SIN3A: variants seen among roughly 807,000 people sequenced by gnomAD.
SIN3A encodes the protein SIN3 transcription regulator family member A, also known as paired amphipathic helix protein Sin3a.
Under a neutral mutation model 146.1 loss-of-function variants are expected in SIN3A, and 14 were observed. That is an observed-to-expected ratio of 0.10 (90% CI 0.06 to 0.15). The LOEUF (loss-of-function observed/expected upper bound fraction) is 0.15, where lower values mean the gene tolerates loss of function less well. Ranked by LOEUF, SIN3A falls within the 10% of genes least tolerant of loss-of-function variation. The pLI, the probability that SIN3A is intolerant of heterozygous loss-of-function variation, is 1.00. For missense variants in SIN3A, 1,028 were observed against 1,576.0 expected (o/e 0.65, Z 5.89); for synonymous variants, 572 against 572.0 (o/e 1.00, Z 0.00).
intron 12 of SIN3A, among the ~76,000 whole-genome samples, chr15:75,396,841 G>C (rs2073314160): frequency 6.6e-6 from 1 of 152,162 alleles, no homozygotes; most frequent in South Asian, 2.1e-4. Context: ...ACTGATTTTA[G>C]ACCAGAGGAA....
Position 75,422,584 on chromosome 15 carries a change from C to G in SIN3A, c.366+63G>C, listed in dbSNP as rs756737356. On this transcript the variant is annotated intron_variant, in intron 3 of 20. Coordinates refer to ENST00000394947, the MANE Select transcript of SIN3A (RefSeq NM_001145358.2). ...AAGTTGTACCACCACAACCAACAAG[C>G]TGCAACCAGTATTTCCTGCTAAAGA... 5.8e-6 allele frequency: 9 copies of G among 1,556,942 alleles called. No individual in the cohort carries two copies. In the African/African-American group the frequency reaches 6.8e-5, roughly 12 times the overall value.
chr15:75,392,814 C>A lies in SIN3A; in HGVS notation c.2279G>T (p.Arg760Met). The change falls in exon 15 of 21, where the codon AGG becomes ATG. Residue 760 changes from arginine to methionine, a missense_variant and splice_region_variant. By Grantham distance (91) the Arg-to-Met change is moderately conservative. Coordinates refer to ENST00000394947, the MANE Select transcript of SIN3A (RefSeq NM_001145358.2). The stretch of plus-strand genomic sequence containing the variant: ...ATTCTCCTCCGTAGCCTGCTCTTGC[C>A]TCTGATGGGACAGAGACACAAAAGT... ...LNEIESIYDE[R>M]QEQATEENAG... is the part of the protein sequence containing the mutation. 6.2e-7 allele frequency: 1 copy of A among 1,603,112 alleles called. No individual in the cohort carries two copies. The highest frequency in any genetic ancestry group is 8.5e-7 in the Non-Finnish European group (1 of 1,174,488).
At chr15:75,402,539 A>T (rs2073430429) in intron 9 of SIN3A, among the ~76,000 whole-genome samples, 1 of 152,076 alleles carries the variant, frequency 6.6e-6, no homozygotes, top group African/African-American at 2.4e-5. Flanking sequence ...AATAAAATAA[A>T]AACGGGGAAA....
chr15:75,413,714 T>C (rs1345875084), intron 4 of SIN3A, among the ~76,000 whole-genome samples: 1 of 152,170 alleles, frequency 6.6e-6, no homozygotes, highest in African/African-American at 2.4e-5. Flanking sequence ...CGGCTAATTT[T>C]TGGAATGGTC....
chr15:75,378,282 G>A (rs926216638), intron 19 of SIN3A, among the ~76,000 whole-genome samples: 14 of 152,140 alleles, frequency 9.2e-5, no homozygotes, highest in Non-Finnish European at 2.1e-4. Context: ...ACTATCACTG[G>A]GGCCGGGTGC....
upstream of SIN3A, among the ~76,000 whole-genome samples, chr15:75,454,333 G>A (rs935381695): frequency 2.6e-5 from 4 of 152,162 alleles, no homozygotes; most frequent in African/African-American, 9.7e-5. Flanking sequence ...GTGGGAGAGA[G>A]GAAAGGGGTC....
intron 2 of SIN3A, among the ~76,000 whole-genome samples, chr15:75,427,807 T>C (rs2073951049): frequency 6.6e-6 from 1 of 150,518 alleles, no homozygotes; most frequent in Admixed American, 6.6e-5. Flanking sequence ...CCATCTCTAC[T>C]AAAAACACAA....
intron 8 of SIN3A, among the ~76,000 whole-genome samples, chr15:75,408,325 A>G (rs2073558636): frequency 6.6e-6 from 1 of 152,244 alleles, no homozygotes. Flanking sequence ...CTTGATTTCA[A>G]AAGATTTCAA....
chr15:75,444,515 T>C (rs547386303), intron 1 of SIN3A, among the ~76,000 whole-genome samples: 1 of 151,982 alleles, frequency 6.6e-6, no homozygotes, highest in East Asian at 1.9e-4. Flanking sequence ...AGTCATGAAA[T>C]ATACATCTTT....
intron 17 of SIN3A, among the ~76,000 whole-genome samples, chr15:75,382,042 T>G (rs879537106): frequency 3.3e-5 from 5 of 152,234 alleles, no homozygotes; most frequent in Non-Finnish European, 7.3e-5. Context: ...AAAATGTCAA[T>G]GCTCTGTCCA....
chr15:75,387,643 T>C (rs1298639459), intron 16 of SIN3A, among the ~76,000 whole-genome samples: 3 of 151,660 alleles, frequency 2.0e-5, no homozygotes, highest in Non-Finnish European at 4.4e-5. Context: ...CAGTAAATAA[T>C]TGTAACTATT....
intron 19 of SIN3A, among the ~76,000 whole-genome samples, chr15:75,376,654 T>C (rs1384017275): frequency 2.0e-5 from 3 of 151,246 alleles, no homozygotes; most frequent in African/African-American, 7.3e-5. Context: ...CTCAGGAGTT[T>C]GAGACTAGCC....
intron 2 of SIN3A, among the ~76,000 whole-genome samples, chr15:75,427,520 C>T (rs1290437127): frequency 6.6e-6 from 1 of 151,528 alleles, no homozygotes; most frequent in Non-Finnish European, 1.5e-5. Context: ...ATTAGCTGGG[C>T]GTGGTGGTGC....
chr15:75,414,150 C>T, intron 4 of SIN3A, 55 bp downstream of exon 4: 2 of 895,408 alleles, frequency 2.2e-6, no homozygotes, highest in Admixed American at 2.5e-5. Flanking sequence ...TATCCTCTTC[C>T]TTCCAAAATC....
chr15:75,430,450 T>C, intron 1 of SIN3A, 42 bp from the exon 2 acceptor site: 6 of 1,453,602 alleles, frequency 4.1e-6, no homozygotes, highest in Non-Finnish European at 5.5e-6. Flanking sequence ...CAATTCTCAC[T>C]CCAGTATGAT....
intron 1 of SIN3A, among the ~76,000 whole-genome samples, chr15:75,440,641 C>G (rs2074191133): frequency 6.6e-6 from 1 of 152,128 alleles, no homozygotes; most frequent in Non-Finnish European, 1.5e-5. Context: ...CATCAAATGT[C>G]ATGCATGAAC....
chr15:75,418,557 T>C (rs2073783591), intron 3 of SIN3A, among the ~76,000 whole-genome samples: 1 of 152,094 alleles, frequency 6.6e-6, no homozygotes, highest in African/African-American at 2.4e-5. Flanking sequence ...TGACTTCAAA[T>C]GATCTGCCCT....
At chr15:75,427,447 C>T (rs1415016736) in intron 2 of SIN3A, among the ~76,000 whole-genome samples, 1 of 151,954 alleles carries the variant, frequency 6.6e-6, no homozygotes, top group Non-Finnish European at 1.5e-5. Flanking sequence ...ACAGGCGGAT[C>T]ACCTGAGGTC....
chr15:75,402,062 A>T, intron 9 of SIN3A, 92 bp from the exon 10 acceptor site: 1 of 784,776 alleles, frequency 1.3e-6, no homozygotes, highest in Non-Finnish European at 2.2e-6. Flanking sequence ...GAGGAGGCGC[A>T]GTTGTGTAAT....
Sources: allele counts gnomAD v4.1 joint callset (sites outside exome capture counted in the v4.1 genomes callset), GRCh38; gene constraint gnomAD v4.1.1; transcripts MANE v1.5; gene names NCBI Gene and HGNC (gene_info 2026-07-23, HGNC 2026-07-21).